EIF4ENIF1: variants seen among roughly 807,000 people sequenced by gnomAD.
EIF4ENIF1 encodes the protein eukaryotic translation initiation factor 4E nuclear import factor 1.
A neutral mutation model predicts 110.5 loss-of-function variants in EIF4ENIF1; 23 were observed. The ratio of observed to expected loss-of-function variants is 0.21; its 90% confidence interval spans 0.15 to 0.29. The LOEUF (loss-of-function observed/expected upper bound fraction) is 0.29, where lower values mean the gene tolerates loss of function less well. Ranked by LOEUF, EIF4ENIF1 falls within the 10% of genes least tolerant of loss-of-function variation. EIF4ENIF1 has a pLI of 1.00. For synonymous variants in EIF4ENIF1, 440 were observed against 437.0 expected (o/e 1.01, Z -0.09); for missense variants, 1,031 against 1,221.1 (o/e 0.84, Z 2.32).
chr22:31,440,972 A>C (rs1332762881), intron 17 of EIF4ENIF1, 104 bp from the exon 18 acceptor site: 3 of 1,476,246 alleles, frequency 2.0e-6, no homozygotes, highest in Non-Finnish European at 2.8e-6. Flanking sequence ...TTAAGAATGA[A>C]GGGCTCTGCG....
At chr22:31,461,065 T>A (rs2050977309) in intron 6 of EIF4ENIF1, among the ~76,000 whole-genome samples, 1 of 152,218 alleles carries the variant, frequency 6.6e-6, no homozygotes, top group Non-Finnish European at 1.5e-5. Flanking sequence ...CTGAGTGCCT[T>A]CTTGGAGGCT....
chr22:31,483,823 T>C (rs762261097), intron 2 of EIF4ENIF1, among the ~76,000 whole-genome samples: 1 of 152,104 alleles, frequency 6.6e-6, no homozygotes, highest in Admixed American at 6.6e-5. Context: ...TACCAAAATA[T>C]AGCTTTTGGT....
In EIF4ENIF1 at chr22:31,463,007, A is replaced by T; in HGVS notation, c.712T>A (p.Phe238Ile). The T allele has an allele frequency of 6.2e-7, 1 of 1,614,170 alleles. No individual in the cohort carries two copies. The highest frequency in any genetic ancestry group is 8.5e-7 in the Non-Finnish European group (1 of 1,180,034). Reference sequence around the variant, plus strand: ...TCTTCTTCTAGTATCTTATCATCAAAGCCAGTCAGTTCGATGGTTTCAGAC... The same window carrying T: ...TCTTCTTCTAGTATCTTATCATCAATGCCAGTCAGTTCGATGGTTTCAGAC... ...SQSETIELTG[F>I]DDKILEEDHK... The change falls in exon 6 of 19, where the codon TTT becomes ATT. Residue 238 changes from phenylalanine (F) to isoleucine (I), a missense_variant. Physicochemically the swap from Phe to Ile is conservative, Grantham distance 21 (BLOSUM62 0). Around this residue, in one of 3 missense-constraint regions of EIF4ENIF1, gnomAD observed 704 missense variants for 879.7 expected, o/e 0.80. Coordinates refer to ENST00000330125, the MANE Select transcript of EIF4ENIF1 (RefSeq NM_019843.4).
chr22:31,446,870 G>T, intron 14 of EIF4ENIF1: 8 of 275,198 alleles, frequency 2.9e-5, no homozygotes, highest in South Asian at 7.1e-5. Context: ...TTTACCATTT[G>T]TTGCAACTAT....
chr22:31,471,005 T>C (rs1207146447), intron 3 of EIF4ENIF1, among the ~76,000 whole-genome samples: 2 of 148,940 alleles, frequency 1.3e-5, no homozygotes, highest in Non-Finnish European at 3.0e-5. Context: ...AGAGTGAAAC[T>C]CTGTCTCGGA....
intron 5 of EIF4ENIF1, 44 bp downstream of exon 5, chr22:31,463,637 A>G: frequency 2.0e-6 from 3 of 1,477,224 alleles, no homozygotes; most frequent in Non-Finnish European, 1.8e-6. Context: ...CAAGAGCGAA[A>G]CTCCGTCTCA....
At chr22:31,484,747 T>C (rs769398382) in intron 2 of EIF4ENIF1, among the ~76,000 whole-genome samples, 4 of 152,154 alleles carry the variant, frequency 2.6e-5, no homozygotes, top group Non-Finnish European at 4.4e-5. Flanking sequence ...AGCAGGAGAA[T>C]AGGTTGAACC....
At chr22:31,449,248 G>A in intron 12 of EIF4ENIF1, 100 bp downstream of exon 12, 1 of 1,262,688 alleles carries the variant, frequency 7.9e-7, no homozygotes, top group African/African-American at 1.5e-5. Flanking sequence ...GACCTCAGGT[G>A]ATCTGCCCAC....
intron 11 of EIF4ENIF1, among the ~76,000 whole-genome samples, chr22:31,449,767 A>C (rs1322615467): frequency 3.4e-5 from 5 of 147,336 alleles, no homozygotes; most frequent in Admixed American, 2.1e-4. Flanking sequence ...GTCTCACTCT[A>C]TCACCCAGGC....
At chr22:31,473,324 A>G (rs980634485) in intron 2 of EIF4ENIF1, among the ~76,000 whole-genome samples, 6 of 152,192 alleles carry the variant, frequency 3.9e-5, no homozygotes, top group Admixed American at 1.3e-4. Context: ...AGACTTCTGC[A>G]GACCCAAGTT....
chr22:31,491,113 G>A (rs1601677125), upstream of EIF4ENIF1, among the ~76,000 whole-genome samples: 2 of 152,248 alleles, frequency 1.3e-5, no homozygotes, highest in East Asian at 3.9e-4. Context: ...ACAAGCTATG[G>A]AGAGTTAGTC....
chr22:31,446,157 CTCCT>C (rs2050467509), intron 14 of EIF4ENIF1, among the ~76,000 whole-genome samples: 1 of 151,492 alleles, frequency 6.6e-6, no homozygotes, highest in African/African-American at 2.4e-5. Flanking sequence ...TGGTGGCACA[CTCCT>C]GTAATCCTAG....
upstream of EIF4ENIF1, among the ~76,000 whole-genome samples, chr22:31,492,046 G>T (rs1374240538): frequency 6.6e-6 from 1 of 152,202 alleles, no homozygotes; most frequent in Non-Finnish European, 1.5e-5. Flanking sequence ...TCCCGTAAAA[G>T]CGTACATGTC....
intron 6 of EIF4ENIF1, among the ~76,000 whole-genome samples, chr22:31,462,218 C>T (rs2051017566): frequency 6.6e-6 from 1 of 152,114 alleles, no homozygotes; most frequent in African/African-American, 2.4e-5. Context: ...CATGGTGGCT[C>T]ACACCTATAA....
rs140269255 is a variant in EIF4ENIF1 at position 31,467,576 on chromosome 22, G to C, written c.298+599C>G. 5.1e-3 allele frequency among the ~76,000 whole-genome samples: 780 copies of C among 152,226 alleles called. 5 individuals are homozygous for C. Among genetic ancestry groups the C allele is most frequent in the African/African-American group, 0.018 (738 of 41,522 alleles). Reference sequence around the variant, plus strand: ...GCAGTGGCTCATGCCTGTAATCCCAGCATTTTGGGAGGCCGAGGTGGGTGG... The same window carrying C: ...GCAGTGGCTCATGCCTGTAATCCCACCATTTTGGGAGGCCGAGGTGGGTGG... On this transcript the variant is annotated intron_variant, in intron 4 of 18. Coordinates refer to ENST00000330125, the MANE Select transcript of EIF4ENIF1 (RefSeq NM_019843.4).
At chr22:31,455,437 C>T (rs1253748805) in intron 8 of EIF4ENIF1, 122 bp from the exon 9 acceptor site, 13 of 890,638 alleles carry the variant, frequency 1.5e-5, no homozygotes, top group South Asian at 3.4e-5. Flanking sequence ...TTCGCTTTTT[C>T]GCCCAGGCTG....
In EIF4ENIF1 at chr22:31,463,092, T is replaced by G; in HGVS notation, c.627A>C (p.Arg209Ser). The change falls in exon 6 of 19, where the codon AGA becomes AGC. Residue 209 changes from arginine to serine, a missense_variant. By Grantham distance (110) the Arg-to-Ser change is moderately radical (BLOSUM62 -1). Coordinates refer to ENST00000330125, the MANE Select transcript of EIF4ENIF1 (RefSeq NM_019843.4). ...CTTCTTCTGTGTAAGAATCATTTCT[T>G]CTACGCTCACCAAAGACACGCTTAC... ...GDSKRVFGER[R>S]RNDSYTEEEP... The G allele has an allele frequency of 1.2e-6, 2 of 1,614,184 alleles. No individual in the cohort carries two copies. The highest frequency in any genetic ancestry group is 3.3e-5 in the Admixed American group (2 of 60,028).
chr22:31,463,955 C>G lies in EIF4ENIF1; in HGVS notation c.311G>C (p.Arg104Pro). The G allele has an allele frequency of 6.2e-7, 1 of 1,612,262 alleles. No homozygotes were observed. The highest frequency in any genetic ancestry group is 8.5e-7 in the Non-Finnish European group (1 of 1,179,418). The change falls in exon 5 of 19, where the codon CGT (arginine) becomes CCT (proline). Residue 104 changes from arginine (R) to proline (P), a missense_variant. Transcript: ENST00000330125. ...AACATCTAAGTCATCTTCTTTCACA[C>G]GCTCTCGTGGATCTGGAAGGACGTG... ...LVRRIVDPRE[R>P]VKEDDLDVVL...
rs372758507 is a variant in EIF4ENIF1 at position 31,479,880 on chromosome 22, T to C, written c.97-7963A>G. Among the ~76,000 whole-genome samples the C allele has an allele frequency of 2.6e-5, 4 of 151,836 alleles. No individual in the cohort carries two copies. The South Asian group carries it at 6.2e-4, about 24-fold the overall frequency. On this transcript the variant is annotated intron_variant, in intron 2 of 18. Coordinates refer to ENST00000330125, the MANE Select transcript of EIF4ENIF1 (RefSeq NM_019843.4). The stretch of plus-strand genomic sequence containing the variant: ...GTGCATGCCACCACATCCAGCTAAT[T>C]TAAAAAATTTTTTGTAGAGATGAGG...
Sources: allele counts gnomAD v4.1 joint callset (sites outside exome capture counted in the v4.1 genomes callset), GRCh38; gene constraint gnomAD v4.1.1; regional missense constraint gnomAD v4.1.1; transcripts MANE v1.5; gene names NCBI Gene and HGNC (gene_info 2026-07-23, HGNC 2026-07-21).